The following ARSG variants were observed in gnomAD, a reference collection of about 807,000 sequenced individuals.
ARSG encodes the protein arylsulfatase G, also known as ASG.
ARSG carries 37 observed loss-of-function variants against 50.5 expected under a neutral mutation model. The ratio of observed to expected loss-of-function variants is 0.73; its 90% CI spans 0.56 to 0.96. ARSG has a LOEUF of 0.96. Among genes scored for constraint, ARSG ranks in the 50% least tolerant of loss-of-function variants. The pLI, the probability that ARSG is intolerant of heterozygous loss-of-function variation, is 0.00. For synonymous variants in ARSG, 225 were observed against 254.6 expected (o/e 0.88, Z 1.11); for missense variants, 629 against 675.3 (o/e 0.93, Z 0.76).
intron 6 of ARSG, among the ~76,000 whole-genome samples, chr17:68,358,816 A>T (rs1432214773): frequency 6.6e-6 from 1 of 152,006 alleles, no homozygotes; most frequent in Non-Finnish European, 1.5e-5. Context: ...GCAGTGAGCC[A>T]TAATGGTGCC....
chr17:68,418,577 G>C (rs1197966439), intron 11 of ARSG, among the ~76,000 whole-genome samples: 1 of 152,226 alleles, frequency 6.6e-6, no homozygotes, highest in African/African-American at 2.4e-5. Context: ...TTTCTGGCCA[G>C]ATTGGACCAG....
chr17:68,383,594 G>C (rs2080546347), intron 8 of ARSG, among the ~76,000 whole-genome samples: 1 of 152,240 alleles, frequency 6.6e-6, no homozygotes, highest in African/African-American at 2.4e-5. Flanking sequence ...CAAAGCCCTG[G>C]CACATGCCTT....
chr17:68,368,176 TG>T (rs1234606301), intron 6 of ARSG, among the ~76,000 whole-genome samples: 1 of 152,160 alleles, frequency 6.6e-6, no homozygotes, highest in Non-Finnish European at 1.5e-5. Context: ...CTTTACAGTG[TG>T]GCAGTTAAGA....
intron 6 of ARSG, among the ~76,000 whole-genome samples, chr17:68,366,845 G>C (rs2079571906): frequency 6.6e-6 from 1 of 152,092 alleles, no homozygotes; most frequent in African/African-American, 2.4e-5. Context: ...CTTCAGAACT[G>C]TTTCATTTTT....
rs57013030 is a variant in ARSG, at chr17:68,417,863, C to T, written c.1304-2326C>T. 8.6e-3 allele frequency among the ~76,000 whole-genome samples: 1,243 copies of T among 144,702 alleles called. 17 individuals carry two copies. Among genetic ancestry groups the T allele is most frequent in the African/African-American group, 0.03 (1,191 of 39,376 alleles). The allele number at this position is 144,702 out of a possible 152,430, so 94.9% of individuals were successfully genotyped here. ...CTCCTGCCTCAGCCTCCCAGGTAGC[C>T]GGGATTACAGGTGCCCACCACCATG... On this transcript the variant is annotated intron_variant, in intron 11 of 11. Coordinates refer to ENST00000621439, the MANE Select transcript of ARSG (RefSeq NM_001267727.2).
chr17:68,353,066 T>C (rs953997709), intron 5 of ARSG, among the ~76,000 whole-genome samples: 3 of 152,112 alleles, frequency 2.0e-5, no homozygotes, highest in African/African-American at 7.2e-5. Context: ...GGGTATTTAT[T>C]GAGAAATTGT....
chr17:68,434,744 C>A, the ARSG span: 1 of 970,142 alleles, frequency 1.0e-6, no homozygotes, highest in Non-Finnish European at 1.5e-6. Flanking sequence ...AGGAAGAACA[C>A]CACGTTGAGC....
chr17:68,305,339 C>G (rs2076567636), intron 1 of ARSG, among the ~76,000 whole-genome samples: 1 of 152,108 alleles, frequency 6.6e-6, no homozygotes, highest in South Asian at 2.1e-4. Context: ...AAGCAGTTTC[C>G]TTTTTCTTCT....
the ARSG span, among the ~76,000 whole-genome samples, chr17:68,442,464 CAAA>C: frequency 9.6e-5 from 6 of 62,770 alleles, no homozygotes; most frequent in Admixed American, 1.7e-4. Context: ...GACTGTGTCT[CAAA>C]AAAAAAAAAA....
chr17:68,348,154 G>A (rs980422715), intron 4 of ARSG, among the ~76,000 whole-genome samples: 5 of 152,056 alleles, frequency 3.3e-5, no homozygotes, highest in African/African-American at 1.2e-4. Flanking sequence ...TTCCCAGGTG[G>A]GCATTCGTGG....
At chr17:68,284,265 G>C (rs1045049429) in intron 1 of ARSG, among the ~76,000 whole-genome samples, 2 of 152,024 alleles carry the variant, frequency 1.3e-5, no homozygotes, top group African/African-American at 2.4e-5. Flanking sequence ...GCCAGGTGTG[G>C]TGGCACGTGC....
At chr17:68,436,117 A>AT in the ARSG span, among the ~76,000 whole-genome samples, 1 of 152,242 alleles carries the variant, frequency 6.6e-6, no homozygotes, top group African/African-American at 2.4e-5. Context: ...AGGGTGACAC[A>AT]TTCAGGGAGA....
intron 9 of ARSG, among the ~76,000 whole-genome samples, chr17:68,390,625 T>C (rs1373630361): frequency 6.6e-6 from 1 of 151,966 alleles, no homozygotes; most frequent in Non-Finnish European, 1.5e-5. Flanking sequence ...CCATGGAATT[T>C]TGGAATTTTT....
chr17:68,304,283 G>T (rs1053963744), intron 1 of ARSG, among the ~76,000 whole-genome samples: 11 of 152,204 alleles, frequency 7.2e-5, no homozygotes, highest in Non-Finnish European at 1.3e-4. Flanking sequence ...TTGTGCTGAG[G>T]CTCTTTCTCC....
chr17:68,352,563 G>A (rs1037235854), intron 5 of ARSG, among the ~76,000 whole-genome samples: 1 of 149,466 alleles, frequency 6.7e-6, no homozygotes, highest in South Asian at 2.1e-4. Flanking sequence ...AGGCTAGAGC[G>A]CAGTGGCGCG....
At position 68,343,617 on chromosome 17, in the gene ARSG, C is replaced by T; in HGVS notation, c.232C>T (p.His78Tyr). The T allele has an allele frequency of 1.9e-6, 3 of 1,609,450 alleles. No individual in the cohort carries two copies. Among genetic ancestry groups the T allele is most frequent in the Non-Finnish European group, 2.5e-6 (3 of 1,177,120 alleles). The change falls in exon 3 of 12, where the codon CAT becomes TAT. Residue 78 changes from histidine (H) to tyrosine (Y), a missense_variant. By Grantham distance (83) the His-to-Tyr change is moderately conservative. Transcript: ENST00000621439. ...CTTTCCCTGCAGGTTTGTGGATTTC[C>T]ATGCAGCTGCCTCCACCTGCTCACC... ...ASEGMRFVDF[H>Y]AAASTCSPSR...
intron 2 of ARSG, among the ~76,000 whole-genome samples, chr17:68,323,906 CTAG>C (rs1243716252): frequency 1.3e-5 from 2 of 152,000 alleles, no homozygotes; most frequent in African/African-American, 2.4e-5. Context: ...AACCCCATCT[CTAG>C]TAAAAATACA....
At chr17:68,438,115 G>T in the ARSG span, among the ~76,000 whole-genome samples, 1 of 152,214 alleles carries the variant, frequency 6.6e-6, no homozygotes, top group South Asian at 2.1e-4. Flanking sequence ...AACATTTAGA[G>T]TTGGAACCTA....
At chr17:68,438,027 T>C in the ARSG span, among the ~76,000 whole-genome samples, 1 of 147,616 alleles carries the variant, frequency 6.8e-6, no homozygotes, top group Non-Finnish European at 1.5e-5. Flanking sequence ...TCTAAAAGTA[T>C]AAGAAAAAAC....
Sources: gnomAD v4.1 joint callset for allele counts (sites outside exome capture counted in the v4.1 genomes callset) on GRCh38, gnomAD v4.1.1 for gene constraint, MANE v1.5 for transcripts, NCBI Gene and HGNC (gene_info 2026-07-23, HGNC 2026-07-21) for gene names.